The following TRIM49B variants were observed in gnomAD, a reference collection of about 807,000 sequenced individuals.
The protein encoded by TRIM49B is putative tripartite motif-containing protein 49B.
Under a neutral mutation model 31.8 loss-of-function variants are expected in TRIM49B, and 18 were observed. That is an observed-to-expected ratio of 0.57 (90% CI 0.39 to 0.84). The LOEUF is 0.84. TRIM49B is among the 40% of genes least tolerant of loss of function. The pLI, the probability that TRIM49B is intolerant of heterozygous loss-of-function variation, is 0.00. For missense variants in TRIM49B, 494 were observed against 538.7 expected (o/e 0.92, Z 0.82); for synonymous variants, 196 against 180.6 (o/e 1.09, Z -0.68).
intron 1 of TRIM49B, among the ~76,000 whole-genome samples, chr11:49,029,789 AG>A (rs1482328399): frequency 6.6e-6 from 1 of 152,224 alleles, no homozygotes; most frequent in Admixed American, 6.5e-5. Flanking sequence ...CATTTGAGTC[AG>A]CCACAAACCA....
intron 2 of TRIM49B, 112 bp from the exon 3 acceptor site, chr11:49,032,164 T>C (rs1451307604): frequency 4.4e-5 from 70 of 1,600,312 alleles, no homozygotes; most frequent in Non-Finnish European, 1.8e-5. Flanking sequence ...TTGACAAACA[T>C]GAAGGGAAAC....
At chr11:49,033,953 T>C (rs761534718) in intron 3 of TRIM49B, among the ~76,000 whole-genome samples, 193 bp from the exon 4 acceptor site, 1 of 152,218 alleles carries the variant, frequency 6.6e-6, no homozygotes, top group Non-Finnish European at 1.5e-5. Flanking sequence ...TGAATAAATT[T>C]AATGTAATTG....
At chr11:49,037,421 A>G in intron 6 of TRIM49B, 57 bp from the exon 7 acceptor site, 2 of 1,529,394 alleles carry the variant, frequency 1.3e-6, no homozygotes, top group East Asian at 2.3e-5. Flanking sequence ...ACTTCTTGAT[A>G]GACAATTATT....
intron 3 of TRIM49B, among the ~76,000 whole-genome samples, chr11:49,032,658 G>A (rs2696922): frequency 0.81 from 122,313 of 151,526 alleles, 49,688 homozygotes; most frequent in African/African-American, 0.83. Flanking sequence ...CTGGGCCATC[G>A]CACAGCATTC....
intron 6 of TRIM49B, 145 bp downstream of exon 6, chr11:49,036,543 C>T (rs1401694926): frequency 1.5e-5 from 9 of 587,006 alleles, no homozygotes; most frequent in Non-Finnish European, 2.7e-5. Context: ...CTTTGGTATC[C>T]GTGTCTGTAT....
At chr11:49,030,273 G>T (rs1447433727) in intron 1 of TRIM49B, among the ~76,000 whole-genome samples, 1 of 152,074 alleles carries the variant, frequency 6.6e-6, no homozygotes, top group Admixed American at 6.5e-5. Flanking sequence ...GGAGGCGCAG[G>T]TTACAGTGAG....
At chr11:49,029,842 T>C (rs1356600845) in intron 1 of TRIM49B, among the ~76,000 whole-genome samples, 1 of 152,232 alleles carries the variant, frequency 6.6e-6, no homozygotes, top group Non-Finnish European at 1.5e-5. Flanking sequence ...ATATGTTTAC[T>C]GTACCTTTTC....
rs762386464 is a variant in TRIM49B at position 49,031,991 on chromosome 11, C to A, written c.392C>A (p.Ser131Ter). 3.1e-6 allele frequency: 5 copies of A among 1,611,838 alleles called. No individual in the cohort carries two copies. The Admixed American group carries it at 6.7e-5, about 21-fold the overall frequency. ...GATCACAGACACTGTCCCATTGAGT[C>A]GGCTGCTGAGGAACACCAGGTAAGT... ...HRDHRHCPIESAAEEHQEKLL... is the reference protein window; with the variant it reads ...HRDHRHCPIE The change falls in exon 2 of 7, where the codon TCG becomes TAG. Residue 131 changes from serine (S) to a stop codon, truncating the protein, a stop_gained. Transcript: ENST00000332682. LOFTEE classifies it high-confidence loss of function.
chr11:49,032,683 G>T (rs566178924), intron 3 of TRIM49B, among the ~76,000 whole-genome samples: 27 of 151,968 alleles, frequency 1.8e-4, no homozygotes, highest in African/African-American at 6.3e-4. Flanking sequence ...TTTGCTGGTT[G>T]GATAAATGTT....
At position 49,034,219 on chromosome 11, in the gene TRIM49B, A is replaced by G; in HGVS notation, c.581A>G (p.Glu194Gly). The change falls in exon 4 of 7, where the codon GAA becomes GGA. Residue 194 changes from glutamate to glycine, a missense_variant. Coordinates refer to ENST00000332682, the MANE Select transcript of TRIM49B (RefSeq NM_001206626.2). The stretch of plus-strand genomic sequence containing the variant: ...ATGCCTGCATTTCACCATGAAGAAG[A>G]AAAACATAATTTGGAGATGCTGAAA... ...QKMPAFHHEE[E>G]KHNLEMLKKK... 6.2e-7 allele frequency: 1 copy of G among 1,611,990 alleles called. No individual in the cohort carries two copies. The highest frequency in any genetic ancestry group is 1.1e-5 in the South Asian group (1 of 90,982).
rs747025758 is a variant in TRIM49B, at chr11:49,031,901, A to G, written c.302A>G (p.Lys101Arg). 2.1e-4 allele frequency: 343 copies of G among 1,612,740 alleles called. No homozygotes were observed. Among genetic ancestry groups the G allele is most frequent in the Non-Finnish European group, 2.8e-4 (326 of 1,179,886 alleles). The change falls in exon 2 of 7, where the codon AAG (lysine) becomes AGG (arginine). Residue 101 changes from lysine (K) to arginine (R), a missense_variant. This residue lies in a region of TRIM49B where 251 missense variants were observed against 232.8 expected (regional missense o/e 1.08). Coordinates refer to ENST00000332682, the MANE Select transcript of TRIM49B (RefSeq NM_001206626.2). ...TGTGGCACTCACAGGGAGACAAAGA[A>G]GATGTTCTGTGAAGTGGACAGGAGC... Reference protein sequence around the residue: ...QMCGTHRETKKMFCEVDRSLL... With the variant: ...QMCGTHRETKRMFCEVDRSLL...
At chr11:49,029,822 T>G (rs1375776414) in intron 1 of TRIM49B, among the ~76,000 whole-genome samples, 1 of 152,214 alleles carries the variant, frequency 6.6e-6, no homozygotes, top group East Asian at 1.9e-4. Context: ...CCCATAAGAT[T>G]ATAATACCAA....
At chr11:49,030,102 A>G (rs4269923) in intron 1 of TRIM49B, among the ~76,000 whole-genome samples, 122,841 of 152,194 alleles carry the variant, frequency 0.81, 49,904 homozygotes, top group African/African-American at 0.83. Context: ...GGAAAGCCAA[A>G]GCGGGCAGAT....
chr11:49,031,942 T>A lies in TRIM49B; in HGVS notation c.343T>A (p.Cys115Ser), dbSNP rs535915515. The change falls in exon 2 of 7, where the codon TGC becomes AGC. Residue 115 changes from cysteine (C) to serine (S), a missense_variant. This residue lies in a region of TRIM49B where 251 missense variants were observed against 232.8 expected (regional missense o/e 1.08). Transcript: ENST00000332682. The stretch of plus-strand genomic sequence containing the variant: ...GGACAGGAGCCTGCTCTGTTTGCTG[T>A]GCTCCAGCTCTCAGGAGCACCGGGA... ...EVDRSLLCLLCSSSQEHRDHR... is the reference protein window; with the variant it reads ...EVDRSLLCLLSSSSQEHRDHR... The A allele has an allele frequency of 5.6e-6, 9 of 1,612,098 alleles. No individual in the cohort carries two copies. The South Asian group carries it at 7.7e-5, about 14-fold the overall frequency.
chr11:49,035,504 C>T (rs541484956), intron 5 of TRIM49B, among the ~76,000 whole-genome samples: 8 of 151,562 alleles, frequency 5.3e-5, no homozygotes, highest in Non-Finnish European at 1.0e-4. Context: ...GGACTACAGG[C>T]GCCCGCCACC....
chr11:49,035,184 TAA>T, intron 5 of TRIM49B, 67 bp downstream of exon 5: 2 of 1,603,304 alleles, frequency 1.2e-6, no homozygotes, highest in South Asian at 2.3e-5. Context: ...CAGGCTTTAT[TAA>T]AGTCATGGCA....
chr11:49,031,773 A>G lies in TRIM49B; in HGVS notation c.174A>G (p.Ser58=), dbSNP rs1486179165. 3 of 1,613,910 alleles carry G rather than the reference A, an allele frequency of 1.9e-6. No homozygotes were observed. The highest frequency in any genetic ancestry group is 2.7e-5 in the African/African-American group (2 of 74,934). Residue 58 remains serine, a synonymous_variant, in exon 2 of 7, where the codon TCA becomes TCG. Transcript: ENST00000332682. ...FLVQCSECTK[S]TGQINLKTNI... is the part of the protein sequence containing the mutation. ...TCCAGTGCTCTGAATGCACAAAGTC[A>G]ACAGGGCAGATAAACCTCAAAACCA...
At chr11:49,032,212 C>T in intron 2 of TRIM49B, 64 bp from the exon 3 acceptor site, 1 of 1,612,012 alleles carries the variant, frequency 6.2e-7, no homozygotes, top group Non-Finnish European at 8.5e-7. Flanking sequence ...ATTTGTCTCT[C>T]ATTCTGGGGC....
chr11:49,030,237 T>A (rs2134694695), intron 1 of TRIM49B, among the ~76,000 whole-genome samples: 1 of 152,196 alleles, frequency 6.6e-6, no homozygotes, highest in South Asian at 2.1e-4. Flanking sequence ...CTTGGGAACC[T>A]GATGCAGGAG....
Sources: allele counts gnomAD v4.1 joint callset (sites outside exome capture counted in the v4.1 genomes callset), GRCh38; gene constraint gnomAD v4.1.1; regional missense constraint gnomAD v4.1.1; transcripts MANE v1.5; gene names NCBI Gene and HGNC (gene_info 2026-07-23, HGNC 2026-07-21).